Variants in GABRB2 observed in about 807,000 individuals in gnomAD.
The protein encoded by GABRB2 is gamma-aminobutyric acid type A receptor subunit beta2.
In GABRB2, 16 loss-of-function variants were observed where a neutral mutation model predicts 54.7. The observed-to-expected ratio is 0.29, with a 90% CI of 0.20 to 0.44. The LOEUF (loss-of-function observed/expected upper bound fraction) is 0.44, where lower values mean the gene tolerates loss of function less well. Ranked by LOEUF, GABRB2 falls within the 20% of genes least tolerant of loss-of-function variation. The probability of loss-of-function intolerance (pLI) is 1.00; values close to 1 mark genes in which losing one functional copy is unlikely to be tolerated. For synonymous variants in GABRB2, 244 were observed against 233.8 expected (o/e 1.04, Z -0.40); for missense variants, 355 against 644.0 (o/e 0.55, Z 4.86).
chr5:161,350,920 C>T (rs1455068971), intron 5 of GABRB2, among the ~76,000 whole-genome samples: 5 of 152,072 alleles, frequency 3.3e-5, no homozygotes, highest in African/African-American at 1.2e-4. Flanking sequence ...GAAGGCTGCA[C>T]TATTGGCTTC....
chr5:161,464,581 C>T (rs149073721), intron 3 of GABRB2, among the ~76,000 whole-genome samples: 2,980 of 152,012 alleles, frequency 0.02, 40 homozygotes, highest in Middle Eastern at 0.078. Flanking sequence ...CCTAGCAATC[C>T]CACTCCTTTG....
chr5:161,310,951 G>A (rs1757848851), intron 9 of GABRB2, among the ~76,000 whole-genome samples: 2 of 151,872 alleles, frequency 1.3e-5, no homozygotes, highest in Non-Finnish European at 2.9e-5. Context: ...TAGTAGAGAC[G>A]GGGTTTCACC....
chr5:161,388,439 A>G (rs1362798592), intron 5 of GABRB2, among the ~76,000 whole-genome samples: 3 of 152,058 alleles, frequency 2.0e-5, no homozygotes, highest in African/African-American at 4.8e-5. Context: ...ATTGCTTTTG[A>G]TGCTAGCTTT....
At chr5:161,390,233 T>G (rs978521605) in intron 5 of GABRB2, among the ~76,000 whole-genome samples, 1 of 152,096 alleles carries the variant, frequency 6.6e-6, no homozygotes, top group African/African-American at 2.4e-5. Flanking sequence ...CTGAATTTTG[T>G]GTACTTTCTT....
intron 8 of GABRB2, chr5:161,329,921 A>C (rs535887715): frequency 4.0e-4 from 61 of 152,322 alleles, no homozygotes; most frequent in African/African-American, 1.4e-3. Context: ...AGCCAGGTGA[A>C]GTTTAATATT....
intron 5 of GABRB2, among the ~76,000 whole-genome samples, chr5:161,392,269 T>G (rs1246186806): frequency 6.6e-6 from 1 of 152,196 alleles, no homozygotes; most frequent in Non-Finnish European, 1.5e-5. Context: ...ATCTAGGACC[T>G]TGACAGAAGT....
chr5:161,315,274 G>T (rs1280944856), intron 9 of GABRB2, among the ~76,000 whole-genome samples: 2 of 152,166 alleles, frequency 1.3e-5, no homozygotes, highest in African/African-American at 4.8e-5. Context: ...CCAATTGAAA[G>T]AAAATTAGTC....
intron 3 of GABRB2, among the ~76,000 whole-genome samples, chr5:161,489,925 G>A (rs1216443250): frequency 2.6e-5 from 4 of 151,620 alleles, no homozygotes; most frequent in Non-Finnish European, 5.9e-5. Flanking sequence ...TTTCCCTAAA[G>A]CATACCAATG....
rs543556022 is a variant in GABRB2, at chr5:161,473,144, G to A, written c.238-13300C>T. 1.7e-4 allele frequency among the ~76,000 whole-genome samples: 26 copies of A among 151,854 alleles called. 1 individual carries two copies. The highest frequency in any genetic ancestry group is 3.9e-4 in the Admixed American group (6 of 15,202). ...CTGTAATTTGTGTTCAGAATAAGAC[G>A]GAAATTCAGATTATGCCCTAATGCT... On this transcript the variant is annotated intron_variant, in intron 3 of 9. Coordinates refer to ENST00000393959, the MANE Select transcript of GABRB2 (RefSeq NM_001371727.1).
chr5:161,415,815 G>T (rs1339668371), intron 4 of GABRB2, among the ~76,000 whole-genome samples: 2 of 152,096 alleles, frequency 1.3e-5, no homozygotes, highest in African/African-American at 4.8e-5. Flanking sequence ...GTTTCGCTAT[G>T]TTGGCCAACC....
chr5:161,385,947 GGTGTGTGTGTGTGTGTGTGTGT>G (rs70990781), intron 5 of GABRB2, among the ~76,000 whole-genome samples: 16 of 93,412 alleles, frequency 1.7e-4, no homozygotes, highest in African/African-American at 2.8e-4. Flanking sequence ...CCTATTGTCT[GGTGTGTGTGTGTGTGTGTGTGT>G]GTGTGTGTGT....
chr5:161,322,387 C>T (rs994161635), intron 9 of GABRB2, among the ~76,000 whole-genome samples: 6 of 152,068 alleles, frequency 3.9e-5, no homozygotes, highest in African/African-American at 1.4e-4. Flanking sequence ...AGGCATGTGC[C>T]ACCATACCCA....
At chr5:161,309,611 T>C (rs1580967595) in intron 9 of GABRB2, among the ~76,000 whole-genome samples, 1 of 151,946 alleles carries the variant, frequency 6.6e-6, no homozygotes, top group Non-Finnish European at 1.5e-5. Context: ...TCAACCTAAA[T>C]GCCCATCAGT....
At chr5:161,296,472 C>T (rs1172959526) in intron 9 of GABRB2, among the ~76,000 whole-genome samples, 2 of 151,972 alleles carry the variant, frequency 1.3e-5, no homozygotes, top group Admixed American at 1.3e-4. Flanking sequence ...TATAACATAG[C>T]AATAATGATC....
At chr5:161,538,067 A>G (rs888331054) in intron 3 of GABRB2, among the ~76,000 whole-genome samples, 19 of 151,908 alleles carry the variant, frequency 1.3e-4, no homozygotes, top group African/African-American at 4.6e-4. Context: ...TCATGACCCC[A>G]CATTGTGATT....
chr5:161,461,382 G>A (rs1758114145), intron 3 of GABRB2, among the ~76,000 whole-genome samples: 1 of 152,006 alleles, frequency 6.6e-6, no homozygotes, highest in South Asian at 2.1e-4. Context: ...TTGCTCTTGG[G>A]GTCCCAATTC....
intron 3 of GABRB2, among the ~76,000 whole-genome samples, chr5:161,538,654 T>A (rs1279577997): frequency 6.6e-6 from 1 of 152,092 alleles, no homozygotes; most frequent in African/African-American, 2.4e-5. Context: ...TGAAACCCCA[T>A]CTCTATTAAA....
intron 3 of GABRB2, among the ~76,000 whole-genome samples, chr5:161,463,925 C>T (rs945134090): frequency 6.6e-6 from 1 of 151,778 alleles, no homozygotes; most frequent in African/African-American, 2.4e-5. Flanking sequence ...TTGACCCATA[C>T]TTCACATTGT....
intron 4 of GABRB2, among the ~76,000 whole-genome samples, chr5:161,425,121 T>C (rs77198940): frequency 0.041 from 6,197 of 152,192 alleles, 162 homozygotes; most frequent in Middle Eastern, 0.075. Context: ...CTTCTTGAGA[T>C]AAAACCTATT....
Sources: allele counts gnomAD v4.1 joint callset (sites outside exome capture counted in the v4.1 genomes callset), GRCh38; gene constraint gnomAD v4.1.1; transcripts MANE v1.5; gene names NCBI Gene and HGNC (gene_info 2026-07-23, HGNC 2026-07-21).